The following CRACR2A variants were observed in gnomAD, a reference collection of about 807,000 sequenced individuals.
CRACR2A encodes the protein calcium release activated channel regulator 2A, also known as EF-hand calcium-binding domain-containing protein 4B.
Under a neutral mutation model 90.5 loss-of-function variants are expected in CRACR2A, and 79 were observed. The observed-to-expected ratio is 0.87, with a 90% CI of 0.73 to 1.05. The LOEUF (loss-of-function observed/expected upper bound fraction) is 1.05, where lower values mean the gene tolerates loss of function less well. CRACR2A is among the 50% of genes least tolerant of loss of function. The probability of loss-of-function intolerance (pLI) is 0.00; values close to 1 mark genes in which losing one functional copy is unlikely to be tolerated. For missense variants in CRACR2A, 823 were observed against 897.2 expected (o/e 0.92, Z 1.06); for synonymous variants, 338 against 356.7 (o/e 0.95, Z 0.59).
At chr12:3,639,065 T>C (rs1448571293) in intron 13 of CRACR2A, among the ~76,000 whole-genome samples, 1 of 152,100 alleles carries the variant, frequency 6.6e-6, no homozygotes, top group Non-Finnish European at 1.5e-5. Flanking sequence ...TCCTCAGCAG[T>C]GTGAGGGGTG....
intron 12 of CRACR2A, among the ~76,000 whole-genome samples, chr12:3,643,712 T>C (rs567495851): frequency 1.4e-5 from 2 of 140,848 alleles, no homozygotes; most frequent in South Asian, 4.3e-4. Flanking sequence ...TATATATATG[T>C]ACATACATAT....
chr12:3,616,448 T>C (rs920899810), intron 19 of CRACR2A, among the ~76,000 whole-genome samples: 7 of 152,246 alleles, frequency 4.6e-5, no homozygotes, highest in Admixed American at 3.3e-4. Flanking sequence ...AGTCTTTTCA[T>C]GCTACCAGCA....
intron 7 of CRACR2A, among the ~76,000 whole-genome samples, chr12:3,666,353 G>GTGTGTGTGT (rs1168969279): frequency 2.1e-5 from 3 of 144,982 alleles, no homozygotes; most frequent in Non-Finnish European, 4.4e-5. Flanking sequence ...GTGTGTGTGT[G>GTGTGTGTGT]TGCGTGCGTG....
chr12:3,640,854 AC>A, intron 13 of CRACR2A: 2 of 1,286,614 alleles, frequency 1.6e-6, no homozygotes, highest in South Asian at 2.5e-5. Context: ...CAATGAGCCA[AC>A]CCTTGGGTAC....
chr12:3,674,443 C>G (rs1052939079), intron 6 of CRACR2A, among the ~76,000 whole-genome samples: 1 of 152,108 alleles, frequency 6.6e-6, no homozygotes, highest in Non-Finnish European at 1.5e-5. Flanking sequence ...CATGGTGGAC[C>G]CTGTTCTCCC....
At chr12:3,645,366 T>C (rs1479781413) in intron 11 of CRACR2A, among the ~76,000 whole-genome samples, 1 of 152,076 alleles carries the variant, frequency 6.6e-6, no homozygotes, top group African/African-American at 2.4e-5. Context: ...TAGGAGGAAG[T>C]AGAGTGCCCA....
Position 3,696,797 on chromosome 12 carries a change from C to A in CRACR2A, c.203G>T (p.Gly68Val), listed in dbSNP as rs1458459244. 2 of 1,614,056 alleles carry A rather than the reference C, an allele frequency of 1.2e-6. No homozygotes were observed. Among genetic ancestry groups the A allele is most frequent in the African/African-American group, 2.7e-5 (2 of 74,924 alleles). The change falls in exon 4 of 20, where the codon GGC becomes GTC. Residue 68 changes from glycine to valine, a missense_variant. Physicochemically the swap from Gly to Val is moderately radical, Grantham distance 109. Transcript: ENST00000440314. ...FFQTCDAEGK[G>V]FIARKDMQRL... ...CTGCATATCCTTCCTGGCGATGAAG[C>A]CCTTGCCTTCAGCATCACAGGTCTG... is the stretch of plus-strand genomic sequence containing the variant.
Position 3,654,267 on chromosome 12 carries a change from G to A in CRACR2A, c.991C>T (p.Gln331Ter). ...RTSWELQDAQ[Q>*]QLESLQQEAC... ...TCTTGCTGGAGGCTTTCCAACTGCT[G>A]CTGAGCATCCTGGAGCTCCCAGGAA... Residue 331 changes from glutamine (Q) to a stop codon, truncating the protein, a stop_gained, in exon 10 of 20, where the codon CAG becomes TAG. Transcript: ENST00000440314. LOFTEE classifies it high-confidence loss of function. The A allele has an allele frequency of 1.2e-6, 2 of 1,613,854 alleles. No homozygotes were observed. The highest frequency in any genetic ancestry group is 1.7e-6 in the Non-Finnish European group (2 of 1,179,938).
chr12:3,666,089 G>C (rs1402023743), intron 7 of CRACR2A, among the ~76,000 whole-genome samples: 1 of 152,100 alleles, frequency 6.6e-6, no homozygotes, highest in Non-Finnish European at 1.5e-5. Flanking sequence ...TGGTGGTGGG[G>C]AGGAGGGGGG....
rs192359989 is a variant in CRACR2A at position 3,719,293 on chromosome 12, C to T, written c.-117-5976G>A. On this transcript the variant is annotated intron_variant, in intron 2 of 19. Transcript: ENST00000440314. Reference sequence around the variant, plus strand: ...AAAAAAGCATATTCCCCCATGTCACCGCTGATGTCCTAACCTCAGGAAAGT... The same window carrying T: ...AAAAAAGCATATTCCCCCATGTCACTGCTGATGTCCTAACCTCAGGAAAGT... 1.6e-3 allele frequency among the ~76,000 whole-genome samples: 240 copies of T among 152,276 alleles called. 1 individual carries two copies. The highest frequency in any genetic ancestry group is 5.6e-3 in the African/African-American group (234 of 41,526).
chr12:3,678,800 C>G, intron 6 of CRACR2A, 115 bp downstream of exon 6: 32 of 1,166,464 alleles, frequency 2.7e-5, no homozygotes, highest in Non-Finnish European at 3.8e-5. Context: ...ACCTGCACTG[C>G]ATTCCAGTGC....
intron 3 of CRACR2A, among the ~76,000 whole-genome samples, chr12:3,705,401 G>C (rs142241678): frequency 3.3e-4 from 50 of 152,322 alleles, no homozygotes; most frequent in African/African-American, 1.1e-3. Flanking sequence ...AGGGTTCTAA[G>C]CTAATTTTCC....
rs147354716 is a variant in CRACR2A, at chr12:3,680,643, C to T, written c.229-294G>A. On this transcript the variant is annotated intron_variant, in intron 4 of 19. Coordinates refer to ENST00000440314, the MANE Select transcript of CRACR2A (RefSeq NM_001144958.2). ...ATCTATCTGCATTTAATTCCCATGA[C>T]AACACTCTGAGCTAGGCACTATTAT... Among the ~76,000 whole-genome samples, 285 of 152,336 alleles carry T rather than the reference C, an allele frequency of 1.9e-3. 6 individuals are homozygous for T. In the East Asian group the frequency reaches 0.036, roughly 19 times the overall value.
intron 1 of CRACR2A, among the ~76,000 whole-genome samples, chr12:3,733,704 A>G (rs1239319567): frequency 6.6e-6 from 1 of 152,070 alleles, no homozygotes; most frequent in Non-Finnish European, 1.5e-5. Flanking sequence ...CAGACTTCTT[A>G]TTACACATGC....
At chr12:3,734,163 G>A (rs573883708) in intron 1 of CRACR2A, among the ~76,000 whole-genome samples, 1 of 151,608 alleles carries the variant, frequency 6.6e-6, no homozygotes, top group East Asian at 1.9e-4. Flanking sequence ...ATTTTTAGTA[G>A]AGACGGGGTT....
chr12:3,683,388 C>T (rs113152107), intron 4 of CRACR2A, among the ~76,000 whole-genome samples: 11 of 152,278 alleles, frequency 7.2e-5, no homozygotes, highest in East Asian at 5.8e-4. Flanking sequence ...TCCTGTGGCA[C>T]GCACAGCTTT....
intron 7 of CRACR2A, among the ~76,000 whole-genome samples, chr12:3,666,362 T>C (rs916297282): frequency 2.0e-4 from 30 of 148,998 alleles, no homozygotes; most frequent in African/African-American, 4.3e-4. Flanking sequence ...TGTGCGTGCG[T>C]GTGCGCGTGC....
chr12:3,744,055 C>A (rs1348614376), intron 1 of CRACR2A, among the ~76,000 whole-genome samples: 1 of 152,106 alleles, frequency 6.6e-6, no homozygotes, highest in East Asian at 1.9e-4. Flanking sequence ...TGGTGAGATA[C>A]CAAGAGGGGA....
At chr12:3,739,776 A>T (rs1946497734) in intron 1 of CRACR2A, among the ~76,000 whole-genome samples, 1 of 152,160 alleles carries the variant, frequency 6.6e-6, no homozygotes, top group South Asian at 2.1e-4. Flanking sequence ...TCTACTAAAA[A>T]TACAAAAATC....
Sources: gnomAD v4.1 joint callset for allele counts (sites outside exome capture counted in the v4.1 genomes callset) on GRCh38, gnomAD v4.1.1 for gene constraint, MANE v1.5 for transcripts, NCBI Gene and HGNC (gene_info 2026-07-23, HGNC 2026-07-21) for gene names.